Variants in NFILZ observed in about 807,000 individuals in gnomAD.
NFILZ encodes the protein NFIL3 like basic leucine zipper.
rs538653103 is a variant in NFILZ at position 8,658,174 on chromosome 19, G to A, written c.-163-16377G>A. ...GAGGCCTGCGTGCCTGAAACAGAAT[G>A]ATCAAGAGGTAGCAGGATGATTTGG... On this transcript the variant is annotated intron_variant, in intron 3 of 5. Transcript: ENST00000691075. 8.5e-5 allele frequency among the ~76,000 whole-genome samples: 13 copies of A among 152,320 alleles called. No homozygotes were observed. The East Asian group carries it at 2.5e-3, about 29-fold the overall frequency.
chr19:8,663,732 G>GTATGTGTGTGTGTGTGTA (rs1600151849), intron 3 of NFILZ, among the ~76,000 whole-genome samples: 1 of 102,834 alleles, frequency 9.7e-6, no homozygotes, highest in Admixed American at 1.1e-4. Flanking sequence ...TTGTGTGTGT[G>GTATGTGTGTGTGTGTGTA]TGTGTGTGTG....
At chr19:8,637,739 T>A (rs1439070394) in intron 3 of NFILZ, among the ~76,000 whole-genome samples, 1 of 150,270 alleles carries the variant, frequency 6.7e-6, no homozygotes, top group Non-Finnish European at 1.5e-5. Flanking sequence ...AAACTCCATC[T>A]CTACTAAAAT....
intron 3 of NFILZ, among the ~76,000 whole-genome samples, chr19:8,654,938 A>C (rs2146151298): frequency 6.6e-6 from 1 of 152,264 alleles, no homozygotes; most frequent in Non-Finnish European, 1.5e-5. Context: ...TCCTATAAGC[A>C]GTTCTGACCA....
At chr19:8,655,919 G>A (rs901927373) in intron 3 of NFILZ, among the ~76,000 whole-genome samples, 1 of 151,784 alleles carries the variant, frequency 6.6e-6, no homozygotes, top group African/African-American at 2.4e-5. Flanking sequence ...TTCAGGGGGG[G>A]TCTCTGTCTC....
At position 8,665,289 on chromosome 19, in the gene NFILZ, T is replaced by C. The variant is rs183252949; in HGVS notation, c.-163-9262T>C. Among the ~76,000 whole-genome samples the C allele has an allele frequency of 3.4e-3, 520 of 152,114 alleles. 3 individuals are homozygous for C. The highest frequency in any genetic ancestry group is 0.012 in the African/African-American group (506 of 41,496). ...GCTTAGGGAAGAGGTGAGGGAAGAA[T>C]GCTTCAGGCAGAAGAAACATTATGT... On this transcript the variant is annotated intron_variant, in intron 3 of 5. Coordinates refer to ENST00000691075, the MANE Select transcript of NFILZ (RefSeq NM_001378600.1).
At chr19:8,650,690 A>G (rs2042961326) in intron 3 of NFILZ, among the ~76,000 whole-genome samples, 1 of 151,832 alleles carries the variant, frequency 6.6e-6, no homozygotes, top group South Asian at 2.1e-4. Flanking sequence ...ATAGAAATAA[A>G]AGGAAACTCA....
rs1318374733 is a variant in NFILZ at position 8,663,887 on chromosome 19, T to C, written c.-163-10664T>C. Among the ~76,000 whole-genome samples, 3 of 151,738 alleles carry C rather than the reference T, an allele frequency of 2.0e-5. No individual in the cohort carries two copies. The East Asian group carries it at 5.8e-4, about 29-fold the overall frequency. On this transcript the variant is annotated intron_variant, in intron 3 of 5. Transcript: ENST00000691075. ...AGAGAGACCCTCCTGGCTGGCGTTT[T>C]AGTGGGAGCTGGGGCTTGGCCTTGG...
At chr19:8,633,625 G>A (rs1196989692) in intron 2 of NFILZ, among the ~76,000 whole-genome samples, 1 of 152,156 alleles carries the variant, frequency 6.6e-6, no homozygotes, top group African/African-American at 2.4e-5. Context: ...TGCAGCTGCT[G>A]TGGGAGGAGC....
intron 3 of NFILZ, among the ~76,000 whole-genome samples, chr19:8,666,439 G>A (rs1555749806): frequency 6.6e-6 from 1 of 151,768 alleles, no homozygotes; most frequent in Non-Finnish European, 1.5e-5. Flanking sequence ...GCCTCCCAAA[G>A]TGTGAGATGA....
chr19:8,653,040 C>CTTTCTTTCTTTCTT (rs1263390932), intron 3 of NFILZ, among the ~76,000 whole-genome samples: 8 of 63,400 alleles, frequency 1.3e-4, no homozygotes, highest in African/African-American at 3.4e-4. Context: ...TTCTTTCTTT[C>CTTTCTTTCTTTCTT]TCTCTCTCTC....
chr19:8,652,926 C>CTCTCTT (rs1555747850), intron 3 of NFILZ, among the ~76,000 whole-genome samples: 2 of 122,816 alleles, frequency 1.6e-5, no homozygotes, highest in Non-Finnish European at 3.6e-5. Context: ...TCTCTCTTCT[C>CTCTCTT]TCTCTCTTTC....
In NFILZ at chr19:8,667,041, C is replaced by T. The variant is rs552465963; in HGVS notation, c.-163-7510C>T. Among the ~76,000 whole-genome samples the T allele has an allele frequency of 1.6e-3, 244 of 151,782 alleles. 1 individual carries two copies. Among genetic ancestry groups the T allele is most frequent in the Non-Finnish European group, 1.7e-3 (113 of 67,968 alleles). ...TTGGCATTACAGGTGTGAGCCACCT[C>T]GCTCGGCTGTTGGCCATCTCTCTCT... On this transcript the variant is annotated intron_variant, in intron 3 of 5. Transcript: ENST00000691075.
Position 8,678,139 on chromosome 19 carries a change from A to G in NFILZ, c.*504A>G. Among the ~76,000 whole-genome samples, 1 of 111,444 alleles carries G rather than the reference A, an allele frequency of 9.0e-6. No homozygotes were observed. Among genetic ancestry groups the G allele is most frequent in the Non-Finnish European group, 1.9e-5 (1 of 53,350 alleles). The allele number at this position is 111,444 out of a possible 152,430, so 73.1% of individuals were successfully genotyped here. On this transcript the variant is annotated 3_prime_UTR_variant, in exon 6 of 6. Coordinates refer to ENST00000691075, the MANE Select transcript of NFILZ (RefSeq NM_001378600.1). ...CATCCATCCATCCCTCCATCCATTC[A>G]TCCACTTGTCCGTCCATCCATCCAT...
chr19:8,652,990 TC>T (rs2042972981), intron 3 of NFILZ, among the ~76,000 whole-genome samples: 1 of 32,142 alleles, frequency 3.1e-5, no homozygotes. Context: ...CTTCCTTCCT[TC>T]CTTCCTTCCT....
chr19:8,678,147 G>GTTCA lies in NFILZ; in HGVS notation c.*513_*514insTCAT, dbSNP rs2043125658. ...CATCCCTCCATCCATTCATCCACTT[G>GTTCA]TCCGTCCATCCATCCATCCATCCAT... On this transcript the variant is annotated 3_prime_UTR_variant, in exon 6 of 6. Coordinates refer to ENST00000691075, the MANE Select transcript of NFILZ (RefSeq NM_001378600.1). Among the ~76,000 whole-genome samples, 133 of 9,596 alleles carry GTTCA rather than the reference G, an allele frequency of 0.014. No homozygotes were observed. Among genetic ancestry groups the GTTCA allele is most frequent in the African/African-American group, 0.021 (65 of 3,120 alleles). 6.3% of individuals were successfully genotyped at this position (9,596 alleles called of 152,430 possible). A position where few individuals can be genotyped will look rare whatever the true frequency, so the allele number is the denominator to read the frequency against.
rs572618076 is a variant in NFILZ at position 8,645,480 on chromosome 19, C to T, written c.-164+9734C>T. Among the ~76,000 whole-genome samples the T allele has an allele frequency of 1.4e-4, 21 of 152,190 alleles. 1 individual carries two copies. The South Asian group carries it at 2.5e-3, about 18-fold the overall frequency. Reference sequence around the variant, plus strand: ...CTGATCATGTTGTCCCCAGCCTCAGCTGTGATTGGCTCCAAACCCCAGCTC... The same window carrying T: ...CTGATCATGTTGTCCCCAGCCTCAGTTGTGATTGGCTCCAAACCCCAGCTC... On this transcript the variant is annotated intron_variant, in intron 3 of 5. Transcript: ENST00000691075.
intron 3 of NFILZ, 91 bp downstream of exon 3, chr19:8,635,837 T>C (rs1264205160): frequency 2.0e-5 from 3 of 152,060 alleles, no homozygotes; most frequent in Non-Finnish European, 4.4e-5. Flanking sequence ...ATTTATTTGT[T>C]TATTTATTTT....
intron 3 of NFILZ, among the ~76,000 whole-genome samples, chr19:8,643,053 T>A (rs1224553996): frequency 1.3e-5 from 2 of 150,392 alleles, no homozygotes; most frequent in South Asian, 4.2e-4. Context: ...AGGCTCAAGC[T>A]CTCCCCCCAC....
chr19:8,634,706 T>C (rs1389216483), intron 2 of NFILZ, among the ~76,000 whole-genome samples: 5 of 151,802 alleles, frequency 3.3e-5, no homozygotes, highest in Non-Finnish European at 5.9e-5. Flanking sequence ...TGAGACCTTG[T>C]CTCTACAAAA....
Sources: allele counts gnomAD v4.1 joint callset (sites outside exome capture counted in the v4.1 genomes callset), GRCh38; gene constraint gnomAD v4.1.1; transcripts MANE v1.5; gene names NCBI Gene and HGNC (gene_info 2026-07-23, HGNC 2026-07-21).